Variants in CLCN6 observed in about 807,000 individuals in gnomAD.
The protein encoded by CLCN6 is Cl-/H+ antiporter 6.
CLCN6 carries 70 observed loss-of-function variants against 109.8 expected under a neutral mutation model. The ratio of observed to expected loss-of-function variants is 0.64; its 90% CI spans 0.53 to 0.78. The LOEUF is 0.78. Among genes scored for constraint, CLCN6 ranks in the 30% least tolerant of loss-of-function variants. The pLI, the probability that CLCN6 is intolerant of heterozygous loss-of-function variation, is 0.00. For synonymous variants in CLCN6, 444 were observed against 447.8 expected (o/e 0.99, Z 0.11); for missense variants, 984 against 1,142.3 (o/e 0.86, Z 2.00).
At chr1:11,816,026 T>TG in intron 3 of CLCN6, 115 bp downstream of exon 3, 1 of 786,374 alleles carries the variant, frequency 1.3e-6, no homozygotes. Flanking sequence ...AACCTTTTCA[T>TG]GCGATACAGG....
chr1:11,836,252 C>A, intron 18 of CLCN6, 99 bp downstream of exon 18: 2 of 1,134,428 alleles, frequency 1.8e-6, no homozygotes, highest in Non-Finnish European at 2.5e-6. Flanking sequence ...GTGGACTTAC[C>A]GGCTCTCAGG....
In CLCN6 at chr1:11,833,404, A is replaced by C. The variant is rs192652454; in HGVS notation, c.1249-111A>C. 1.2e-5 allele frequency: 13 copies of C among 1,059,798 alleles called. 1 individual carries two copies. The highest frequency in any genetic ancestry group is 1.2e-4 in the Admixed American group (6 of 51,400). The allele number at this position is 1,059,798 out of a possible 1,614,324, so 65.6% of individuals were successfully genotyped here. ...TAGAGGTCAGTTTTTGGCCTGTTTG[A>C]TTGATGGGGAAAGCTGTGCAGCCAC... is the stretch of plus-strand genomic sequence containing the variant. On this transcript the variant is annotated intron_variant, in intron 13 of 22. Transcript: ENST00000346436.
At chr1:11,828,284 G>T in intron 11 of CLCN6, 65 bp downstream of exon 11, 1 of 1,494,160 alleles carries the variant, frequency 6.7e-7, no homozygotes, top group South Asian at 1.1e-5. Context: ...TCAAGTGAAG[G>T]ACCAGAGAGA....
At chr1:11,807,315 G>C in intron 2 of CLCN6, 125 bp downstream of exon 2, 1 of 779,290 alleles carries the variant, frequency 1.3e-6, no homozygotes, top group South Asian at 1.6e-5. Flanking sequence ...GAGTGGGTAA[G>C]AGAACTTCCT....
intron 5 of CLCN6, 89 bp downstream of exon 5, chr1:11,819,643 G>T: frequency 9.2e-7 from 1 of 1,087,780 alleles, no homozygotes; most frequent in Non-Finnish European, 1.4e-6. Context: ...AGTAAGCATA[G>T]TATTAGAAGG....
chr1:11,837,877 G>A (rs1406111016), intron 20 of CLCN6, among the ~76,000 whole-genome samples: 1 of 152,060 alleles, frequency 6.6e-6, no homozygotes, highest in East Asian at 1.9e-4. Flanking sequence ...CTTTCCCTAA[G>A]GACGCTTGTC....
At chr1:11,827,029 A>G in intron 9 of CLCN6, 60 bp from the exon 10 acceptor site, 2 of 1,590,818 alleles carry the variant, frequency 1.3e-6, no homozygotes, top group South Asian at 2.2e-5. Context: ...GGAAGTCAGA[A>G]ACCACCTTTT....
chr1:11,837,284 TGG>T, intron 19 of CLCN6, 57 bp from the exon 20 acceptor site: 16 of 1,590,468 alleles, frequency 1.0e-5, no homozygotes, highest in Non-Finnish European at 1.4e-5. Context: ...GCTGGGAACA[TGG>T]ATCAGAAGCG....
At chr1:11,813,250 T>C (rs895475306) in intron 2 of CLCN6, among the ~76,000 whole-genome samples, 2 of 152,212 alleles carry the variant, frequency 1.3e-5, no homozygotes, top group African/African-American at 4.8e-5. Context: ...CAGCAGACCT[T>C]TAGAGAGTGA....
In CLCN6 at chr1:11,806,213, G is replaced by T; in HGVS notation, c.-50G>T. 7.2e-7 allele frequency: 1 copy of T among 1,387,774 alleles called. No homozygotes were observed. Among genetic ancestry groups the T allele is most frequent in the South Asian group, 1.8e-5 (1 of 55,236 alleles). 86.0% of individuals were successfully genotyped at this position (1,387,774 alleles called of 1,614,324 possible). On this transcript the variant is annotated 5_prime_UTR_variant, in exon 1 of 23. Transcript: ENST00000346436. ...GCCAGTCACGTGAGGCGCAGATCCT[G>T]GCTGGGAGGGGGTTGGTAGAGGGGT...
intron 5 of CLCN6, 105 bp from the exon 6 acceptor site, chr1:11,822,590 C>G (rs1289231964): frequency 1.5e-6 from 1 of 676,590 alleles, no homozygotes; most frequent in Non-Finnish European, 2.6e-6. Context: ...AAAAAGTGCA[C>G]TCAGCAGCCA....
rs184449958 is a variant in CLCN6 at position 11,830,856 on chromosome 1, C to T, written c.1248+1534C>T. On this transcript the variant is annotated intron_variant, in intron 13 of 22. Transcript: ENST00000346436. ...TTCTGTTTGTTTTGTTTTTTTAAGA[C>T]GGAGTCTTACTCTGTTACCCAGGCC... is the stretch of plus-strand genomic sequence containing the variant. Among the ~76,000 whole-genome samples, 368 of 148,644 alleles carry T rather than the reference C, an allele frequency of 2.5e-3. 3 individuals carry two copies. Among genetic ancestry groups the T allele is most frequent in the African/African-American group, 8.4e-3 (338 of 40,420 alleles).
chr1:11,834,622 T>A lies in CLCN6; in HGVS notation c.1793+32T>A. 1.3e-6 allele frequency: 2 copies of A among 1,557,594 alleles called. No homozygotes were observed. The highest frequency in any genetic ancestry group is 1.8e-6 in the Non-Finnish European group (2 of 1,129,244). On this transcript the variant is annotated intron_variant, in intron 17 of 22. Transcript: ENST00000346436. The surrounding 1 kb of genome is among the most constrained non-coding windows in gnomAD (Gnocchi z 4.5). ...CCATGATTTTGCTCATGTCCTAGTT[T>A]CAGAATGTATAAGCTCTGAGGCCTA...
chr1:11,819,628 C>A, intron 5 of CLCN6, 74 bp downstream of exon 5: 1 of 1,325,966 alleles, frequency 7.5e-7, no homozygotes, highest in South Asian at 1.2e-5. Flanking sequence ...AGAAATGGGT[C>A]TAACAGTAAG....
In CLCN6 at chr1:11,829,221, C is replaced by G. The variant is rs746813295; in HGVS notation, c.1147C>G (p.Leu383Val). 2 of 1,614,106 alleles carry G rather than the reference C, an allele frequency of 1.2e-6. No individual in the cohort carries two copies. Among genetic ancestry groups the G allele is most frequent in the Non-Finnish European group, 1.7e-6 (2 of 1,179,990 alleles). The stretch of plus-strand genomic sequence containing the variant: ...AGTCTTAGAGAGCCTCCTTGTGTCT[C>G]TGGTAACCACCGTGGTGGTGTTTGT... ...VRVLESLLVS[L>V]VTTVVVFVAS... Residue 383 changes from leucine to valine, a missense_variant, in exon 13 of 23, where the codon CTG becomes GTG. By Grantham distance (32) the Leu-to-Val change is conservative. Transcript: ENST00000346436.
intron 14 of CLCN6, 70 bp downstream of exon 14, chr1:11,833,708 C>T: frequency 6.3e-7 from 1 of 1,599,352 alleles, no homozygotes; most frequent in South Asian, 1.1e-5. Context: ...GCTTGCCCTT[C>T]ATTCCAAGCA....
At chr1:11,814,456 T>G (rs1351192012) in intron 2 of CLCN6, among the ~76,000 whole-genome samples, 1 of 151,878 alleles carries the variant, frequency 6.6e-6, no homozygotes, top group Non-Finnish European at 1.5e-5. Flanking sequence ...CCATCTTGCC[T>G]AGGCTGGTCT....
At chr1:11,810,599 T>C (rs1644585940) in intron 2 of CLCN6, among the ~76,000 whole-genome samples, 1 of 152,184 alleles carries the variant, frequency 6.6e-6, no homozygotes, top group African/African-American at 2.4e-5. Flanking sequence ...AAGACACAGA[T>C]AACATTTTAT....
chr1:11,835,357 A>G lies in CLCN6; in HGVS notation c.1794-610A>G, dbSNP rs184981594. Among the ~76,000 whole-genome samples, 627 of 152,224 alleles carry G rather than the reference A, an allele frequency of 4.1e-3. 5 individuals are homozygous for G. The highest frequency in any genetic ancestry group is 0.015 in the African/African-American group (604 of 41,536). On this transcript the variant is annotated intron_variant, in intron 17 of 22. Transcript: ENST00000346436. ...GCATGATTATAGCTCACTGCAACCT[A>G]TGCCTCCCAGGCTCAAGCGATCCTC...
Sources: allele counts gnomAD v4.1 joint callset (sites outside exome capture counted in the v4.1 genomes callset), GRCh38; gene constraint gnomAD v4.1.1; non-coding constraint Gnocchi (gnomAD v3.1); transcripts MANE v1.5; gene names NCBI Gene and HGNC (gene_info 2026-07-23, HGNC 2026-07-21).